Variants in ZSWIM5 observed in about 807,000 individuals in gnomAD.
The protein encoded by ZSWIM5 is zinc finger SWIM-type containing 5, also known as zinc finger SWIM domain-containing protein 5.
A neutral mutation model predicts 119.6 loss-of-function variants in ZSWIM5; 55 were observed. The ratio of observed to expected loss-of-function variants is 0.46; its 90% CI spans 0.37 to 0.58. The LOEUF is 0.58. Ranked by LOEUF, ZSWIM5 falls within the 20% of genes least tolerant of loss-of-function variation. The pLI, the probability that ZSWIM5 is intolerant of heterozygous loss-of-function variation, is 0.00. For missense variants in ZSWIM5, 1,193 were observed against 1,512.8 expected (o/e 0.79, Z 3.51); for synonymous variants, 537 against 606.9 (o/e 0.88, Z 1.69).
intron 1 of ZSWIM5, among the ~76,000 whole-genome samples, chr1:45,181,514 G>T (rs948025467): frequency 6.8e-6 from 1 of 147,104 alleles, no homozygotes; most frequent in Non-Finnish European, 1.5e-5. Flanking sequence ...CACTGTGCAG[G>T]ATATTATCCA....
At chr1:45,137,654 C>A (rs1475735574) in intron 1 of ZSWIM5, among the ~76,000 whole-genome samples, 2 of 152,008 alleles carry the variant, frequency 1.3e-5, no homozygotes, top group Non-Finnish European at 2.9e-5. Flanking sequence ...TATAAAGATC[C>A]AAAGACAGGA....
chr1:45,169,783 T>C (rs1262975389), intron 1 of ZSWIM5, among the ~76,000 whole-genome samples: 1 of 152,130 alleles, frequency 6.6e-6, no homozygotes, highest in Non-Finnish European at 1.5e-5. Flanking sequence ...ATTGTACTAG[T>C]GTTCTGTATT....
In ZSWIM5 at chr1:45,026,002, G is replaced by C. The variant is rs185576821; in HGVS notation, c.2450-5214C>G. On this transcript the variant is annotated intron_variant, in intron 11 of 13. Coordinates refer to ENST00000359600, the MANE Select transcript of ZSWIM5 (RefSeq NM_020883.2). ...TCTTATTCCTGATCTTAAAGGGAAA[G>C]CATCTAGTTTCTCACCATTAAGTAT... Among the ~76,000 whole-genome samples, 263 of 152,288 alleles carry C rather than the reference G, an allele frequency of 1.7e-3. 2 individuals carry two copies. Among genetic ancestry groups the C allele is most frequent in the African/African-American group, 5.8e-3 (243 of 41,570 alleles).
chr1:45,140,222 C>T (rs568663778), intron 1 of ZSWIM5, among the ~76,000 whole-genome samples: 3 of 152,090 alleles, frequency 2.0e-5, no homozygotes, highest in African/African-American at 7.2e-5. Context: ...TGACCTGCCA[C>T]CTGTTTCTGT....
Position 45,018,808 on chromosome 1 carries a change from C to T in ZSWIM5, c.3204G>A (p.Val1068=). The change falls in exon 14 of 14, where the codon GTG becomes GTA. Residue 1068 remains valine (V), a synonymous_variant. Coordinates refer to ENST00000359600, the MANE Select transcript of ZSWIM5 (RefSeq NM_020883.2). This position sits in a 1 kb window ranked among gnomAD's most constrained non-coding sequence, Gnocchi z 6.7. ...AALIPLVVKS[V]HCATVLSDIL... Reference sequence around the variant, plus strand: ...TGTCTGAAAGCACTGTGGCACAGTGCACACTCTTCACCACCAGGGGGATGA... The same window carrying T: ...TGTCTGAAAGCACTGTGGCACAGTGTACACTCTTCACCACCAGGGGGATGA... The T allele has an allele frequency of 1.9e-6, 3 of 1,614,234 alleles. No individual in the cohort carries two copies. The highest frequency in any genetic ancestry group is 2.5e-6 in the Non-Finnish European group (3 of 1,180,042).
intron 1 of ZSWIM5, among the ~76,000 whole-genome samples, chr1:45,158,394 C>A (rs1645844073): frequency 6.6e-6 from 1 of 152,150 alleles, no homozygotes; most frequent in Admixed American, 6.5e-5. Flanking sequence ...GTCTCAAACT[C>A]CTGGCCTCAA....
chr1:45,155,486 C>T (rs909694276), intron 1 of ZSWIM5, among the ~76,000 whole-genome samples: 1 of 148,840 alleles, frequency 6.7e-6, no homozygotes, highest in Non-Finnish European at 1.5e-5. Context: ...CCTTAAAGAA[C>T]AAAAGTAGAA....
At chr1:45,163,848 C>T (rs1420635932) in intron 1 of ZSWIM5, among the ~76,000 whole-genome samples, 2 of 152,124 alleles carry the variant, frequency 1.3e-5, no homozygotes, top group East Asian at 3.9e-4. Context: ...GTCTGATTGG[C>T]GTACCTGAAA....
intron 1 of ZSWIM5, among the ~76,000 whole-genome samples, chr1:45,197,081 G>A (rs1394304154): frequency 1.3e-5 from 2 of 152,192 alleles, no homozygotes; most frequent in Admixed American, 1.3e-4. Flanking sequence ...TCAGAACTCA[G>A]CTGTGTTGAC....
chr1:45,165,506 CA>C (rs1285731200), intron 1 of ZSWIM5, among the ~76,000 whole-genome samples: 9 of 152,018 alleles, frequency 5.9e-5, no homozygotes, highest in African/African-American at 2.2e-4. Context: ...AAAAACCCTT[CA>C]AAAAATCAAT....
intron 1 of ZSWIM5, among the ~76,000 whole-genome samples, chr1:45,170,874 C>A (rs1042996247): frequency 6.6e-6 from 1 of 152,060 alleles, no homozygotes; most frequent in Non-Finnish European, 1.5e-5. Flanking sequence ...GAATGAGGCA[C>A]CACACTTGGC....
chr1:45,033,143 A>G (rs936824427), intron 11 of ZSWIM5, among the ~76,000 whole-genome samples: 1 of 152,196 alleles, frequency 6.6e-6, no homozygotes, highest in African/African-American at 2.4e-5. Context: ...GTTTTTTGCC[A>G]ATAAGATCAG....
chr1:45,080,903 G>A (rs1645285929), intron 2 of ZSWIM5, among the ~76,000 whole-genome samples: 1 of 152,120 alleles, frequency 6.6e-6, no homozygotes, highest in African/African-American at 2.4e-5. Context: ...AAAAGTCAAG[G>A]CAATGTCTAG....
At chr1:45,188,869 C>T (rs12129373) in intron 1 of ZSWIM5, among the ~76,000 whole-genome samples, 1 of 152,226 alleles carries the variant, frequency 6.6e-6, no homozygotes, top group Non-Finnish European at 1.5e-5. Context: ...CTTTTCAATT[C>T]TAATCTCCAA....
At chr1:45,132,437 T>C (rs1645663401) in intron 1 of ZSWIM5, among the ~76,000 whole-genome samples, 1 of 152,086 alleles carries the variant, frequency 6.6e-6, no homozygotes, top group African/African-American at 2.4e-5. Context: ...GGCACAGTAC[T>C]TTTCTCTATG....
chr1:45,172,027 A>C (rs532024100), intron 1 of ZSWIM5, among the ~76,000 whole-genome samples: 1 of 152,074 alleles, frequency 6.6e-6, no homozygotes, highest in Non-Finnish European at 1.5e-5. Context: ...TTTCAGTCCC[A>C]AATTTTTTTC....
At chr1:45,076,661 C>A (rs1645257999) in intron 2 of ZSWIM5, among the ~76,000 whole-genome samples, 1 of 152,132 alleles carries the variant, frequency 6.6e-6, no homozygotes, top group Admixed American at 6.5e-5. Context: ...TTGGGAAATT[C>A]TCTGATATAA....
chr1:45,086,906 T>G (rs1041708496), intron 2 of ZSWIM5, among the ~76,000 whole-genome samples: 3 of 143,434 alleles, frequency 2.1e-5, no homozygotes, highest in Non-Finnish European at 4.5e-5. Flanking sequence ...TTTTTTGAGA[T>G]GGAATCTTGC....
intron 1 of ZSWIM5, among the ~76,000 whole-genome samples, chr1:45,126,070 A>G (rs1026012256): frequency 1.3e-5 from 2 of 152,114 alleles, no homozygotes; most frequent in Middle Eastern, 3.4e-3. Context: ...CTTGTCTCAA[A>G]AATAATTAAT....
Sources: allele counts gnomAD v4.1 joint callset (sites outside exome capture counted in the v4.1 genomes callset), GRCh38; gene constraint gnomAD v4.1.1; non-coding constraint Gnocchi (gnomAD v3.1); transcripts MANE v1.5; gene names NCBI Gene and HGNC (gene_info 2026-07-23, HGNC 2026-07-21).